CCDC73: variants seen among roughly 807,000 people sequenced by gnomAD.
CCDC73 encodes coiled-coil domain-containing protein 73.
In CCDC73, 95 loss-of-function variants were observed where a neutral mutation model predicts 116.5. The observed-to-expected ratio is 0.82, with a 90% CI of 0.69 to 0.97. CCDC73 has a LOEUF of 0.97. Among genes scored for constraint, CCDC73 ranks in the 50% least tolerant of loss-of-function variants. The probability of loss-of-function intolerance (pLI) is 0.00; values close to 1 mark genes in which losing one functional copy is unlikely to be tolerated. For missense variants in CCDC73, 1,066 were observed against 1,206.8 expected (o/e 0.88, Z 1.73); for synonymous variants, 398 against 401.3 (o/e 0.99, Z 0.10).
At position 32,749,548 on chromosome 11, in the gene CCDC73, T is replaced by C. The variant is rs566104322; in HGVS notation, c.135+10561A>G. On this transcript the variant is annotated intron_variant, in intron 2 of 17. Coordinates refer to ENST00000335185, the MANE Select transcript of CCDC73 (RefSeq NM_001008391.4). ...TGCCTTATTAGTTTGTTTGGTGAGG[T>C]ATGTTTTTCTGGATGGTCTTGATGC... Among the ~76,000 whole-genome samples, 35 of 152,192 alleles carry C rather than the reference T, an allele frequency of 2.3e-4. No individual in the cohort carries two copies. In the South Asian group the frequency reaches 5.4e-3, roughly 23 times the overall value.
chr11:32,709,425 T>C (rs931281495), intron 3 of CCDC73, among the ~76,000 whole-genome samples: 2 of 152,142 alleles, frequency 1.3e-5, no homozygotes, highest in African/African-American at 4.8e-5. Flanking sequence ...GCCTCCTGAG[T>C]AGCTGGGGCT....
At position 32,779,474 on chromosome 11, in the gene CCDC73, A is replaced by G. The variant is rs115344813; in HGVS notation, c.-16+15139T>C. ...CCAGCACCTGGATTGTTATCTTTTA[A>G]TGTTTGCCTATGCTACCTCAATATT... On this transcript the variant is annotated intron_variant, in intron 1 of 17. Coordinates refer to ENST00000335185, the MANE Select transcript of CCDC73 (RefSeq NM_001008391.4). 7.2e-3 allele frequency among the ~76,000 whole-genome samples: 1,097 copies of G among 152,274 alleles called. 17 individuals carry two copies. The highest frequency in any genetic ancestry group is 0.025 in the African/African-American group (1,057 of 41,552).
chr11:32,814,506 G>GT, the CCDC73 span, among the ~76,000 whole-genome samples: 2 of 152,096 alleles, frequency 1.3e-5, no homozygotes, highest in Admixed American at 1.3e-4. Context: ...TAAGATGGCC[G>GT]TAACAACAAA....
intron 1 of CCDC73, among the ~76,000 whole-genome samples, chr11:32,782,722 T>C (rs1400121564): frequency 6.6e-6 from 1 of 152,156 alleles, no homozygotes; most frequent in African/African-American, 2.4e-5. Flanking sequence ...TTATCCATAG[T>C]GTTCAGTACA....
At chr11:32,695,285 C>T (rs1422565217) in intron 6 of CCDC73, among the ~76,000 whole-genome samples, 1 of 151,242 alleles carries the variant, frequency 6.6e-6, no homozygotes, top group Non-Finnish European at 1.5e-5. Context: ...AGGAGAATCG[C>T]TTGAACCCAG....
chr11:32,706,681 G>C (rs1341476108), intron 3 of CCDC73, among the ~76,000 whole-genome samples: 1 of 152,072 alleles, frequency 6.6e-6, no homozygotes, highest in Non-Finnish European at 1.5e-5. Context: ...AATATTAAAA[G>C]TAACCTCTCT....
chr11:32,635,741 GT>G lies in CCDC73; in HGVS notation c.1139del (p.Asn380ThrfsTer21). On this transcript the variant is annotated frameshift_variant, in exon 14 of 18. Coordinates refer to ENST00000335185, the MANE Select transcript of CCDC73 (RefSeq NM_001008391.4). LOFTEE classifies it high-confidence loss of function. ...ETHIKLQEHY[N>X]KLCNQKTFEE... ...CAAATGTTTTTTGATTGCATAATTT[GT>G]TATAATGTTCTTGTAACTTAATATG... is the stretch of plus-strand genomic sequence containing the variant. 1 of 1,301,400 alleles carries G rather than the reference GT, an allele frequency of 7.7e-7. No individual in the cohort carries two copies. Among genetic ancestry groups the G allele is most frequent in the South Asian group, 2.2e-5 (1 of 45,046 alleles). The allele number at this position is 1,301,400 out of a possible 1,614,324, so 80.6% of individuals were successfully genotyped here.
chr11:32,806,248 C>G, the CCDC73 span, among the ~76,000 whole-genome samples: 1 of 152,068 alleles, frequency 6.6e-6, no homozygotes, highest in Non-Finnish European at 1.5e-5. Flanking sequence ...TTGTGAAAGC[C>G]AAACCTCTTA....
chr11:32,708,287 T>C (rs1191312529), intron 3 of CCDC73, among the ~76,000 whole-genome samples: 1 of 152,242 alleles, frequency 6.6e-6, no homozygotes, highest in Non-Finnish European at 1.5e-5. Context: ...ACCAGTATCA[T>C]GCTGTTTTGG....
intron 1 of CCDC73, among the ~76,000 whole-genome samples, chr11:32,776,509 C>T (rs1433058451): frequency 2.6e-5 from 4 of 152,010 alleles, no homozygotes; most frequent in Admixed American, 1.3e-4. Flanking sequence ...CCTACTAATC[C>T]GTGCTCATTT....
intron 12 of CCDC73, among the ~76,000 whole-genome samples, chr11:32,648,236 T>C (rs1218579012): frequency 1.3e-5 from 2 of 152,244 alleles, no homozygotes; most frequent in African/African-American, 4.8e-5. Flanking sequence ...CTACTTCTTC[T>C]CTTGTGCTAA....
intron 2 of CCDC73, among the ~76,000 whole-genome samples, chr11:32,723,860 C>A (rs1456750250): frequency 2.6e-5 from 4 of 151,938 alleles, no homozygotes; most frequent in African/African-American, 9.7e-5. Context: ...TATTTTTTCT[C>A]ATTGACATTT....
intron 9 of CCDC73, among the ~76,000 whole-genome samples, chr11:32,663,193 C>T (rs1241353830): frequency 6.6e-6 from 1 of 150,816 alleles, no homozygotes; most frequent in South Asian, 2.1e-4. Context: ...TCCATATGAA[C>T]TTTAGTTTTT....
chr11:32,728,505 A>G (rs886355344), intron 2 of CCDC73, among the ~76,000 whole-genome samples: 4 of 151,982 alleles, frequency 2.6e-5, no homozygotes, highest in Non-Finnish European at 5.9e-5. Context: ...CCTTTTACTA[A>G]GAGTCCTGGT....
At chr11:32,625,407 A>G (rs1481086898) in intron 14 of CCDC73, among the ~76,000 whole-genome samples, 1 of 152,076 alleles carries the variant, frequency 6.6e-6, no homozygotes, top group African/African-American at 2.4e-5. Context: ...TGTTTTTGCA[A>G]TGGCTGGTAC....
At chr11:32,701,393 G>A (rs1432496879) in intron 4 of CCDC73, among the ~76,000 whole-genome samples, 2 of 151,952 alleles carry the variant, frequency 1.3e-5, no homozygotes, top group African/African-American at 2.4e-5. Flanking sequence ...ATTATGACCT[G>A]TTTAAAAAAA....
chr11:32,776,183 C>T (rs1274981649), intron 1 of CCDC73, among the ~76,000 whole-genome samples: 1 of 152,144 alleles, frequency 6.6e-6, no homozygotes, highest in African/African-American at 2.4e-5. Flanking sequence ...TTCTGCATCA[C>T]TACTCCTACT....
chr11:32,829,616 G>A, the CCDC73 span, among the ~76,000 whole-genome samples: 3 of 152,256 alleles, frequency 2.0e-5, no homozygotes, highest in Non-Finnish European at 4.4e-5. Flanking sequence ...GACCCAAAGC[G>A]AAAAGCCCTG....
chr11:32,761,389 A>G (rs1299615200), intron 1 of CCDC73, among the ~76,000 whole-genome samples: 1 of 152,230 alleles, frequency 6.6e-6, no homozygotes, highest in African/African-American at 2.4e-5. Flanking sequence ...TAAAGGTGCT[A>G]TAAACATTTA....
Sources: gnomAD v4.1 joint callset for allele counts (sites outside exome capture counted in the v4.1 genomes callset) on GRCh38, gnomAD v4.1.1 for gene constraint, MANE v1.5 for transcripts, NCBI Gene and HGNC (gene_info 2026-07-23, HGNC 2026-07-21) for gene names.